The following AIF1L variants were observed in gnomAD, a reference collection of about 807,000 sequenced individuals.
The protein encoded by AIF1L is allograft inflammatory factor 1-like.
AIF1L carries 12 observed loss-of-function variants against 20.7 expected under a neutral mutation model. The ratio of observed to expected loss-of-function variants is 0.58; its 90% CI spans 0.37 to 0.94. The LOEUF is 0.94. Among genes scored for constraint, AIF1L ranks in the 40% least tolerant of loss-of-function variants. The probability of loss-of-function intolerance (pLI) is 0.01; values close to 1 mark genes in which losing one functional copy is unlikely to be tolerated. For missense variants in AIF1L, 173 were observed against 185.3 expected, an observed-to-expected ratio of 0.93 and a Z score of 0.39; for synonymous variants, 76 against 65.1, an observed-to-expected ratio of 1.17 and a Z score of -0.81.
intron 5 of AIF1L, among the ~76,000 whole-genome samples, chr9:131,119,506 GAAAAAA>G (rs10612336): frequency 7.1e-6 from 1 of 140,462 alleles, no homozygotes. Context: ...TGTCTCAAAA[GAAAAAA>G]AAAAAAAAAA....
chr9:131,120,981 C>A lies in AIF1L; in HGVS notation c.*659C>A. 1.7e-6 allele frequency: 1 copy of A among 601,152 alleles called. No individual in the cohort carries two copies. Among genetic ancestry groups the A allele is most frequent in the South Asian group, 2.2e-5 (1 of 45,810 alleles). 37.2% of individuals were successfully genotyped at this position (601,152 alleles called of 1,614,324 possible). A position where few individuals can be genotyped will look rare whatever the true frequency, so the allele number is the denominator to read the frequency against. ...CCTCCAGTCCTGCTCTCTGGCCACA[C>A]CTGTGCAGGCAGCTGAGAGGCAGCG... On this transcript the variant is annotated 3_prime_UTR_variant, in exon 6 of 6. Transcript: ENST00000247291.
intron 2 of AIF1L, among the ~76,000 whole-genome samples, chr9:131,097,392 T>C (rs1588177120): frequency 1.3e-5 from 2 of 152,182 alleles, no homozygotes; most frequent in South Asian, 4.2e-4. Flanking sequence ...GCCTTAGCTA[T>C]TGTTGTTATA....
chr9:131,115,010 C>T (rs192278760), intron 4 of AIF1L, among the ~76,000 whole-genome samples: 2 of 152,314 alleles, frequency 1.3e-5, no homozygotes, highest in East Asian at 1.9e-4. Context: ...CTTTTATATA[C>T]GTTGATTCTC....
At chr9:131,102,391 A>G (rs1415392914) in intron 2 of AIF1L, among the ~76,000 whole-genome samples, 4 of 152,186 alleles carry the variant, frequency 2.6e-5, no homozygotes, top group Non-Finnish European at 5.9e-5. Context: ...TGTACCTGGC[A>G]GTGCCACTCT....
chr9:131,101,270 C>T (rs900594754), intron 2 of AIF1L, among the ~76,000 whole-genome samples: 1 of 152,178 alleles, frequency 6.6e-6, no homozygotes, highest in Admixed American at 6.5e-5. Flanking sequence ...CATCATCTCG[C>T]TGACCCCGCA....
At chr9:131,111,733 G>A in intron 3 of AIF1L, 70 bp downstream of exon 3, 1 of 1,440,494 alleles carries the variant, frequency 6.9e-7, no homozygotes, top group Non-Finnish European at 9.7e-7. Flanking sequence ...CTTGCACACA[G>A]GACCCCTCAG....
intron 2 of AIF1L, among the ~76,000 whole-genome samples, chr9:131,104,430 C>G (rs1188871596): frequency 6.6e-6 from 1 of 152,228 alleles, no homozygotes; most frequent in African/African-American, 2.4e-5. Context: ...GGAAAGGTAA[C>G]TCCCAGTATT....
chr9:131,121,052 C>T lies in AIF1L; in HGVS notation c.*730C>T, dbSNP rs2281906. 0.26 allele frequency: 185,278 copies of T among 703,362 alleles called. 25,206 individuals carry two copies. The highest frequency in any genetic ancestry group is 0.37 in the East Asian group (13,755 of 36,924). 43.6% of individuals were successfully genotyped at this position (703,362 alleles called of 1,614,324 possible). The stretch of plus-strand genomic sequence containing the variant: ...CTGGGGCAGCAGAGGGCTTCGGAGG[C>T]AGAAGTGAGGCCTGGGGTTTTGGGG... On this transcript the variant is annotated 3_prime_UTR_variant, in exon 6 of 6. Coordinates refer to ENST00000247291, the MANE Select transcript of AIF1L (RefSeq NM_031426.4).
At chr9:131,115,319 G>A (rs1300238402) in intron 4 of AIF1L, among the ~76,000 whole-genome samples, 7 of 151,512 alleles carry the variant, frequency 4.6e-5, no homozygotes, top group African/African-American at 7.3e-5. Context: ...GTGTGGTGGC[G>A]GGTGCCTGTA....
intron 5 of AIF1L, among the ~76,000 whole-genome samples, chr9:131,119,134 T>C (rs1831076791): frequency 6.6e-6 from 1 of 151,594 alleles, no homozygotes; most frequent in Admixed American, 6.6e-5. Flanking sequence ...TGGTAGCACA[T>C]TGTGGGTGCT....
intron 3 of AIF1L, among the ~76,000 whole-genome samples, chr9:131,113,491 C>A (rs1485129435): frequency 1.2e-5 from 1 of 86,818 alleles, no homozygotes; most frequent in African/African-American, 4.5e-5. Context: ...GAATGAGACT[C>A]CATCTCAAAA....
intron 2 of AIF1L, among the ~76,000 whole-genome samples, chr9:131,099,334 G>A (rs1830590619): frequency 6.6e-6 from 1 of 152,248 alleles, no homozygotes; most frequent in Non-Finnish European, 1.5e-5. Context: ...ACCGATGGAA[G>A]TGGATGGAAG....
chr9:131,106,104 G>C (rs2872823), intron 2 of AIF1L: 16 of 1,444,148 alleles, frequency 1.1e-5, no homozygotes, highest in African/African-American at 1.4e-5. Flanking sequence ...GAGTGTCTAC[G>C]ATATGCTGGG....
intron 2 of AIF1L, 79 bp from the exon 3 acceptor site, chr9:131,111,518 G>C: frequency 7.5e-7 from 1 of 1,332,390 alleles, no homozygotes; most frequent in Non-Finnish European, 1.1e-6. Flanking sequence ...TAGGAGGGAA[G>C]GCCCCCGGAC....
intron 2 of AIF1L, among the ~76,000 whole-genome samples, chr9:131,110,723 G>C (rs1053744656): frequency 3.3e-5 from 5 of 151,156 alleles, no homozygotes; most frequent in Admixed American, 6.6e-5. Flanking sequence ...GGCTGGTCTC[G>C]AGCCCCTGAC....
chr9:131,099,154 C>T (rs954410605), intron 2 of AIF1L, among the ~76,000 whole-genome samples: 1 of 152,192 alleles, frequency 6.6e-6, no homozygotes, highest in Non-Finnish European at 1.5e-5. Flanking sequence ...GAGCTGGCTG[C>T]GGCCCTGATA....
At chr9:131,100,316 T>C (rs1830609772) in intron 2 of AIF1L, among the ~76,000 whole-genome samples, 1 of 152,202 alleles carries the variant, frequency 6.6e-6, no homozygotes, top group Admixed American at 6.5e-5. Context: ...AATGCACCTC[T>C]TTTTGGTTTC....
At position 131,120,358 on chromosome 9, in the gene AIF1L, T is replaced by G; in HGVS notation, c.*36T>G. The G allele has an allele frequency of 8.0e-7, 1 of 1,255,966 alleles. No individual in the cohort carries two copies. The highest frequency in any genetic ancestry group is 1.1e-6 in the Non-Finnish European group (1 of 937,154). The allele number at this position is 1,255,966 out of a possible 1,614,324, so 77.8% of individuals were successfully genotyped here. ...TGGACTCCCCAGCCTTCCCACCCCA[T>G]ACCTCCCTCCCGATCTTGCTGCCCT... On this transcript the variant is annotated 3_prime_UTR_variant, in exon 6 of 6. Transcript: ENST00000247291.
At chr9:131,105,126 G>A (rs1564164988) in intron 2 of AIF1L, among the ~76,000 whole-genome samples, 1 of 152,172 alleles carries the variant, frequency 6.6e-6, no homozygotes, top group Non-Finnish European at 1.5e-5. Context: ...TGCAGGGAGG[G>A]AGCTGTGGGT....
Sources: allele counts gnomAD v4.1 joint callset (sites outside exome capture counted in the v4.1 genomes callset), GRCh38; gene constraint gnomAD v4.1.1; transcripts MANE v1.5; gene names NCBI Gene and HGNC (gene_info 2026-07-23, HGNC 2026-07-21).